The following ANK2 variants were observed in gnomAD, a reference collection of about 807,000 sequenced individuals.
ANK2 encodes the protein ankyrin-2.
In ANK2, 83 loss-of-function variants were observed where a neutral mutation model predicts 360.5. The ratio of observed to expected loss-of-function variants is 0.23; its 90% CI spans 0.19 to 0.28. ANK2 has a LOEUF of 0.28. Ranked by LOEUF, ANK2 falls within the 10% of genes least tolerant of loss-of-function variation. The pLI is 1.00. For missense variants in ANK2, 4,201 were observed against 4,795.7 expected (o/e 0.88, Z 3.66); for synonymous variants, 1,740 against 1,759.5 (o/e 0.99, Z 0.28).
At chr4:112,967,308 A>G (rs901284946) in intron 2 of ANK2, among the ~76,000 whole-genome samples, 5 of 152,224 alleles carry the variant, frequency 3.3e-5, no homozygotes, top group Non-Finnish European at 7.3e-5. Context: ...ACTAATCTAA[A>G]TCTTTCCTTT....
At chr4:113,203,597 T>A (rs964342166) in intron 4 of ANK2, among the ~76,000 whole-genome samples, 5 of 152,206 alleles carry the variant, frequency 3.3e-5, no homozygotes, top group Non-Finnish European at 7.3e-5. Flanking sequence ...TATGTATAAG[T>A]CTTAGCTTTG....
chr4:112,759,910 C>G, the ANK2 span, among the ~76,000 whole-genome samples: 3 of 152,112 alleles, frequency 2.0e-5, no homozygotes, highest in Non-Finnish European at 2.9e-5. Context: ...ATTTCAGTAG[C>G]TGACACTGTA....
chr4:113,198,319 C>A (rs1288885226), intron 3 of ANK2, among the ~76,000 whole-genome samples: 4 of 151,900 alleles, frequency 2.6e-5, no homozygotes, highest in African/African-American at 9.7e-5. Flanking sequence ...AACTTTATGG[C>A]TTGGAATCTA....
At chr4:112,830,729 G>A (rs969494732) in intron 1 of ANK2, among the ~76,000 whole-genome samples, 14 of 152,182 alleles carry the variant, frequency 9.2e-5, no homozygotes, top group South Asian at 2.1e-4. Context: ...CCTTCAGCCC[G>A]CAGCTGCACT....
At position 113,284,522 on chromosome 4, in the gene ANK2, C is replaced by T. The variant is rs137930825; in HGVS notation, c.2079+1650C>T. Among the ~76,000 whole-genome samples the T allele has an allele frequency of 4.7e-3, 709 of 152,262 alleles. 6 individuals carry two copies. The highest frequency in any genetic ancestry group is 0.016 in the African/African-American group (646 of 41,548). On this transcript the variant is annotated intron_variant, in intron 18 of 45. Coordinates refer to ENST00000357077, the MANE Select transcript of ANK2 (RefSeq NM_001148.6). The stretch of plus-strand genomic sequence containing the variant: ...CATATCTGAAATCAGTTCACTATGT[C>T]CTCCTTTACGGTATTCTTCTAAATA...
intron 2 of ANK2, among the ~76,000 whole-genome samples, chr4:113,019,160 G>T (rs917954289): frequency 3.3e-5 from 5 of 151,908 alleles, no homozygotes; most frequent in Non-Finnish European, 5.9e-5. Context: ...TACTGCTAGT[G>T]GTTTTTAACA....
At chr4:113,048,248 G>GTGTA (rs1252407907), upstream of ANK2, among the ~76,000 whole-genome samples, 215 of 36,142 alleles carry the variant, frequency 5.9e-3, 5 homozygotes, top group Non-Finnish European at 0.01. Context: ...CTACAAGTGT[G>GTGTA]TATATATATA....
intron 1 of ANK2, among the ~76,000 whole-genome samples, chr4:113,087,932 C>T (rs890612080): frequency 2.6e-5 from 4 of 152,120 alleles, no homozygotes; most frequent in Non-Finnish European, 1.5e-5. Flanking sequence ...TAAATAAATT[C>T]TAGATTCTGA....
chr4:113,178,734 CT>C (rs2098313062), intron 2 of ANK2, among the ~76,000 whole-genome samples: 1 of 152,104 alleles, frequency 6.6e-6, no homozygotes, highest in African/African-American at 2.4e-5. Flanking sequence ...TGTGCTGGGG[CT>C]TTACATGTGA....
chr4:112,902,482 C>T (rs1423389689), intron 1 of ANK2, among the ~76,000 whole-genome samples: 1 of 152,164 alleles, frequency 6.6e-6, no homozygotes, highest in Non-Finnish European at 1.5e-5. Flanking sequence ...TGTCTGTATG[C>T]CTTGGACTTT....
intron 1 of ANK2, among the ~76,000 whole-genome samples, chr4:113,053,934 C>A (rs313944): frequency 0.092 from 14,009 of 152,138 alleles, 1,131 homozygotes; most frequent in African/African-American, 0.21. Flanking sequence ...TTAAAATAAT[C>A]CAAGACCATA....
chr4:112,739,006 CA>C, the ANK2 span: 1 of 647,800 alleles, frequency 1.5e-6, no homozygotes, highest in Non-Finnish European at 2.8e-6. Flanking sequence ...AGGTCGCTCA[CA>C]AAAACCAAGA....
At chr4:113,226,552 T>TA (rs2099224777) in intron 4 of ANK2, among the ~76,000 whole-genome samples, 2 of 152,250 alleles carry the variant, frequency 1.3e-5, no homozygotes, top group African/African-American at 4.8e-5. Flanking sequence ...ACACATAATT[T>TA]AAAAAAACTA....
At chr4:112,889,367 A>G (rs1467977295) in intron 1 of ANK2, among the ~76,000 whole-genome samples, 1 of 152,138 alleles carries the variant, frequency 6.6e-6, no homozygotes, top group Admixed American at 6.5e-5. Context: ...GCAGAATACT[A>G]TAGACTATTA....
chr4:113,206,696 A>G (rs566560169), intron 4 of ANK2, among the ~76,000 whole-genome samples: 2 of 152,226 alleles, frequency 1.3e-5, no homozygotes, highest in South Asian at 4.1e-4. Context: ...AGTTCTCTAT[A>G]TGCTTGGGAA....
chr4:113,282,735 C>T lies in ANK2; in HGVS notation c.1942C>T (p.Leu648Phe). ...KKNQMQIAST[L>F]LNYGAETNIV... Reference sequence around the variant, plus strand: ...GAATCAAATGCAGATAGCTTCCACACTCCTGAACTATGGAGCAGAGACAAA... The same window carrying T: ...GAATCAAATGCAGATAGCTTCCACATTCCTGAACTATGGAGCAGAGACAAA... Residue 648 changes from leucine (L) to phenylalanine (F), a missense_variant, in exon 18 of 46, where the codon CTC becomes TTC. Around this residue, in one of 4 missense-constraint regions of ANK2, gnomAD observed 1,268 missense variants for 1,650.8 expected, o/e 0.77. Coordinates refer to ENST00000357077, the MANE Select transcript of ANK2 (RefSeq NM_001148.6). 6.2e-7 allele frequency: 1 copy of T among 1,613,948 alleles called. No homozygotes were observed. The highest frequency in any genetic ancestry group is 8.5e-7 in the Non-Finnish European group (1 of 1,179,920).
intron 1 of ANK2, among the ~76,000 whole-genome samples, chr4:112,844,276 C>G (rs2062802183): frequency 2.0e-5 from 3 of 152,206 alleles, no homozygotes; most frequent in Admixed American, 2.0e-4. Flanking sequence ...TTGGACTACC[C>G]TTAGCATAGG....
At chr4:113,189,740 G>A (rs150854130) in intron 2 of ANK2, among the ~76,000 whole-genome samples, 79 of 152,020 alleles carry the variant, frequency 5.2e-4, no homozygotes, top group Admixed American at 3.9e-4. Context: ...TCTCAATTCC[G>A]ATGTCACCGT....
In ANK2 at chr4:113,216,767, C is replaced by T. The variant is rs536345789; in HGVS notation, c.385-15394C>T. On this transcript the variant is annotated intron_variant, in intron 4 of 45. Transcript: ENST00000357077. Reference sequence around the variant, plus strand: ...ACGAGTGGGCAGAGCATACTTAGGTCCTTTTAAGTAAGAGCTTTGAGGAGC... The same window carrying T: ...ACGAGTGGGCAGAGCATACTTAGGTTCTTTTAAGTAAGAGCTTTGAGGAGC... 5.3e-5 allele frequency among the ~76,000 whole-genome samples: 8 copies of T among 152,250 alleles called. No homozygotes were observed. In the South Asian group the frequency reaches 1.2e-3, roughly 24 times the overall value.
Sources: gnomAD v4.1 joint callset for allele counts (sites outside exome capture counted in the v4.1 genomes callset) on GRCh38, gnomAD v4.1.1 for gene constraint, gnomAD v4.1.1 regional missense constraint, MANE v1.5 for transcripts, NCBI Gene and HGNC (gene_info 2026-07-23, HGNC 2026-07-21) for gene names.